The following SH3RF1 variants were observed in gnomAD, a reference collection of about 807,000 sequenced individuals.
The protein encoded by SH3RF1 is SH3 domain containing ring finger 1.
Under a neutral mutation model 74.0 loss-of-function variants are expected in SH3RF1, and 32 were observed. That is an observed-to-expected ratio of 0.43 (90% CI 0.33 to 0.58). The LOEUF (loss-of-function observed/expected upper bound fraction) is 0.58, where lower values mean the gene tolerates loss of function less well. SH3RF1 is among the 20% of genes least tolerant of loss of function. SH3RF1 has a pLI of 0.05. For missense variants in SH3RF1, 954 were observed against 1,130.9 expected, an observed-to-expected ratio of 0.84 and a Z score of 2.24; for synonymous variants, 396 against 439.6, an observed-to-expected ratio of 0.90 and a Z score of 1.24.
Position 169,117,776 on chromosome 4 carries a change from C to T in SH3RF1, c.1524G>A (p.Val508=). 6.2e-7 allele frequency: 1 copy of T among 1,608,330 alleles called. No homozygotes were observed. Among genetic ancestry groups the T allele is most frequent in the Non-Finnish European group, 8.5e-7 (1 of 1,175,254 alleles). The change falls in exon 9 of 12, where the codon GTG becomes GTA. Residue 508 remains valine (V), a synonymous_variant. Transcript: ENST00000284637. ...GGACTTTAGCTTGGGAAGCATTTGT[C>T]ACCGCCCTGCCAAGACACAAACATA... ...GNYVAPVTRA[V]TNASQAKVPM...
chr4:169,109,067 C>A (rs952682391), intron 10 of SH3RF1, among the ~76,000 whole-genome samples: 1 of 152,210 alleles, frequency 6.6e-6, no homozygotes, highest in Non-Finnish European at 1.5e-5. Flanking sequence ...TTGTAGACAG[C>A]CTGAGGTCTG....
In SH3RF1 at chr4:169,156,379, G is replaced by T. The variant is rs372182820; in HGVS notation, c.669+25C>A. Reference sequence around the variant, plus strand: ...GGTACAGAGGTAGAGCTGGCAAACAGAAAACAAGCACATTCTACCTTTACC... The same window carrying T: ...GGTACAGAGGTAGAGCTGGCAAACATAAAACAAGCACATTCTACCTTTACC... On this transcript the variant is annotated intron_variant, in intron 3 of 11. Transcript: ENST00000284637. The T allele has an allele frequency of 2.6e-6, 4 of 1,531,832 alleles. No homozygotes were observed. The African/African-American group carries it at 5.5e-5, about 21-fold the overall frequency. The allele number at this position is 1,531,832 out of a possible 1,614,324, so 94.9% of individuals were successfully genotyped here. A position where few individuals can be genotyped will look rare whatever the true frequency, so the allele number is the denominator to read the frequency against.
intron 2 of SH3RF1, among the ~76,000 whole-genome samples, chr4:169,235,658 G>A (rs1386735073): frequency 5.3e-5 from 8 of 152,050 alleles, no homozygotes; most frequent in Admixed American, 3.9e-4. Flanking sequence ...TCAGCAATGA[G>A]CATATATTAT....
intron 4 of SH3RF1, among the ~76,000 whole-genome samples, chr4:169,136,888 TA>T (rs1027123383): frequency 6.6e-6 from 1 of 152,212 alleles, no homozygotes; most frequent in African/African-American, 2.4e-5. Flanking sequence ...AGAATTTCCA[TA>T]ATGTCTGATT....
intron 2 of SH3RF1, chr4:169,204,036 G>A (rs1490160312): frequency 2.0e-5 from 3 of 152,120 alleles, no homozygotes; most frequent in South Asian, 2.1e-4. Context: ...AATACCAGTC[G>A]TCTCTCTTCA....
chr4:169,153,102 C>T (rs962574150), intron 4 of SH3RF1, among the ~76,000 whole-genome samples: 3 of 152,156 alleles, frequency 2.0e-5, no homozygotes, highest in Admixed American at 6.6e-5. Context: ...CCTAAGTCGG[C>T]CAGCAGGAGT....
rs1733335503 is a variant in SH3RF1 at position 169,116,503 on chromosome 4, A to G, written c.1905T>C (p.Pro635=). ...TGTGCGTGGCTGAGCCTGGCATCAG[A>G]GGCGCAGGTTGTGGGGAGGCCAGCG... ...HHSLASPQPA[P]LMPGSATHTA... Residue 635 remains proline, a synonymous_variant, in exon 10 of 12, where the codon CCT becomes CCC. Coordinates refer to ENST00000284637, the MANE Select transcript of SH3RF1 (RefSeq NM_020870.4). 4 of 1,613,416 alleles carry G rather than the reference A, an allele frequency of 2.5e-6. No individual in the cohort carries two copies. The highest frequency in any genetic ancestry group is 1.3e-5 in the African/African-American group (1 of 74,916).
chr4:169,237,030 G>A (rs929190180), intron 2 of SH3RF1, among the ~76,000 whole-genome samples: 12 of 152,226 alleles, frequency 7.9e-5, no homozygotes, highest in East Asian at 3.9e-4. Flanking sequence ...ATATGCACAC[G>A]CTCCCTTCTC....
Position 169,156,331 on chromosome 4 carries a change from C to A in SH3RF1, c.669+73G>T, listed in dbSNP as rs557310100. ...GTATTTTTTTTTGCAAAAGGCAACACGAGCTATATTTCTATGTATCTGGGT... is the reference window on the plus strand; with the variant it reads ...GTATTTTTTTTTGCAAAAGGCAACAAGAGCTATATTTCTATGTATCTGGGT... On this transcript the variant is annotated intron_variant, in intron 3 of 11. Transcript: ENST00000284637. 1.2e-4 allele frequency: 175 copies of A among 1,435,920 alleles called. No homozygotes were observed. The East Asian group carries it at 2.9e-3, about 24-fold the overall frequency. The allele number at this position is 1,435,920 out of a possible 1,614,324, so 88.9% of individuals were successfully genotyped here.
At chr4:169,259,964 T>A (rs1731251767) in intron 2 of SH3RF1, among the ~76,000 whole-genome samples, 1 of 152,184 alleles carries the variant, frequency 6.6e-6, no homozygotes, top group Non-Finnish European at 1.5e-5. Context: ...AATTTTAAAG[T>A]CTTTTTACAT....
At chr4:169,249,329 G>A (rs1278215456) in intron 2 of SH3RF1, among the ~76,000 whole-genome samples, 1 of 152,230 alleles carries the variant, frequency 6.6e-6, no homozygotes, top group African/African-American at 2.4e-5. Flanking sequence ...CCCACCATTA[G>A]GCTAGCTTGC....
At chr4:169,208,338 C>T (rs1730295787) in intron 2 of SH3RF1, among the ~76,000 whole-genome samples, 4 of 151,982 alleles carry the variant, frequency 2.6e-5, no homozygotes, top group Admixed American at 2.6e-4. Context: ...ACATTGTGCC[C>T]TCATTTTCCC....
chr4:169,130,680 T>A (rs1299399378), intron 5 of SH3RF1, among the ~76,000 whole-genome samples: 1 of 152,254 alleles, frequency 6.6e-6, no homozygotes, highest in Non-Finnish European at 1.5e-5. Flanking sequence ...TGCCTAGACA[T>A]GCTTAGAGCG....
intron 2 of SH3RF1, among the ~76,000 whole-genome samples, 178 bp from the exon 3 acceptor site, chr4:169,156,857 A>G (rs1734065761): frequency 6.6e-6 from 1 of 152,204 alleles, no homozygotes; most frequent in African/African-American, 2.4e-5. Flanking sequence ...ACACAAAACA[A>G]TTGTCCATAG....
intron 2 of SH3RF1, among the ~76,000 whole-genome samples, chr4:169,215,628 T>G (rs1730449954): frequency 6.6e-6 from 1 of 152,230 alleles, no homozygotes; most frequent in Admixed American, 6.5e-5. Context: ...AATATAGACC[T>G]ATACAGATTG....
At chr4:169,212,572 A>C (rs1730397043) in intron 2 of SH3RF1, among the ~76,000 whole-genome samples, 1 of 151,990 alleles carries the variant, frequency 6.6e-6, no homozygotes, top group Non-Finnish European at 1.5e-5. Context: ...TTAGGTTCAC[A>C]GCAAAACTGA....
chr4:169,186,283 A>T (rs1734600811), intron 2 of SH3RF1, among the ~76,000 whole-genome samples: 1 of 152,148 alleles, frequency 6.6e-6, no homozygotes, highest in African/African-American at 2.4e-5. Flanking sequence ...TCTGTATAAC[A>T]AACCCCATGA....
At chr4:169,263,194 A>G (rs1458087060) in intron 2 of SH3RF1, among the ~76,000 whole-genome samples, 1 of 152,170 alleles carries the variant, frequency 6.6e-6, no homozygotes. Context: ...CCAGGGGAGC[A>G]TGTCCCAACC....
intron 2 of SH3RF1, among the ~76,000 whole-genome samples, chr4:169,233,436 G>T (rs1474705017): frequency 6.6e-6 from 1 of 152,102 alleles, no homozygotes; most frequent in African/African-American, 2.4e-5. Flanking sequence ...TATTGAGTAT[G>T]ATTATTCATA....
Sources: gnomAD v4.1 joint callset for allele counts (sites outside exome capture counted in the v4.1 genomes callset) on GRCh38, gnomAD v4.1.1 for gene constraint, MANE v1.5 for transcripts, NCBI Gene and HGNC (gene_info 2026-07-23, HGNC 2026-07-21) for gene names.